The following UNC5B variants were observed in gnomAD, a reference collection of about 807,000 sequenced individuals.
UNC5B encodes unc-5 netrin receptor B.
UNC5B carries 56 observed loss-of-function variants against 103.7 expected under a neutral mutation model. The observed-to-expected ratio is 0.54, with a 90% CI of 0.44 to 0.67. UNC5B has a LOEUF of 0.67. Ranked by LOEUF, UNC5B falls within the 30% of genes least tolerant of loss-of-function variation. The pLI is 0.00. For missense variants in UNC5B, 1,194 were observed against 1,284.5 expected (o/e 0.93, Z 1.08); for synonymous variants, 577 against 542.0 (o/e 1.06, Z -0.90).
intron 4 of UNC5B, 43 bp downstream of exon 4, chr10:71,285,472 A>G (rs984595912): frequency 2.7e-6 from 4 of 1,495,214 alleles, no homozygotes; most frequent in African/African-American, 2.8e-5. Flanking sequence ...CCCTGTGGCC[A>G]TGCCTGCAGA....
intron 1 of UNC5B, among the ~76,000 whole-genome samples, chr10:71,233,115 A>G (rs916108273): frequency 1.3e-5 from 2 of 152,232 alleles, no homozygotes; most frequent in Non-Finnish European, 2.9e-5. Context: ...ACAGGGATCA[A>G]GGACCAGTGT....
intron 1 of UNC5B, among the ~76,000 whole-genome samples, chr10:71,271,220 G>A (rs866405006): frequency 1.3e-5 from 2 of 152,212 alleles, no homozygotes; most frequent in South Asian, 2.1e-4. Flanking sequence ...CTGTGACCTC[G>A]AACACGCCCT....
In UNC5B at chr10:71,288,976, A is replaced by T. The variant is rs1564511199; in HGVS notation, c.1085A>T (p.Asp362Val). The change falls in exon 8 of 17, where the codon GAC becomes GTC. Residue 362 changes from aspartate (D) to valine (V), a missense_variant. By Grantham distance (152) the Asp-to-Val change is radical. Coordinates refer to ENST00000335350, the MANE Select transcript of UNC5B (RefSeq NM_170744.5). ...TTGACAGATAAGAAAACTCTAAGCG[A>T]CCCCAACAGCCACCGTAAGTCCCAT... is the stretch of plus-strand genomic sequence containing the variant. ...LCMQNKKTLS[D>V]PNSHLLEASG... 1.2e-6 allele frequency: 2 copies of T among 1,613,724 alleles called. No homozygotes were observed. The highest frequency in any genetic ancestry group is 8.5e-7 in the Non-Finnish European group (1 of 1,179,936).
At chr10:71,284,156 C>T (rs752536026) in intron 2 of UNC5B, among the ~76,000 whole-genome samples, 8 of 152,082 alleles carry the variant, frequency 5.3e-5, no homozygotes, top group Non-Finnish European at 1.2e-4. Flanking sequence ...GGAGAGCTGT[C>T]GGGGAGGCGC....
intron 1 of UNC5B, among the ~76,000 whole-genome samples, chr10:71,223,211 C>T (rs1228484397): frequency 1.3e-5 from 2 of 152,094 alleles, no homozygotes; most frequent in Non-Finnish European, 2.9e-5. Flanking sequence ...GGAGGCTGGG[C>T]CTGATTTGGC....
At position 71,271,359 on chromosome 10, in the gene UNC5B, T is replaced by C. The variant is rs115334675; in HGVS notation, c.80-8462T>C. 8.5e-3 allele frequency among the ~76,000 whole-genome samples: 1,288 copies of C among 152,310 alleles called. 24 individuals are homozygous for C. Among genetic ancestry groups the C allele is most frequent in the Middle Eastern group, 0.02 (6 of 294 alleles). On this transcript the variant is annotated intron_variant, in intron 1 of 16. Coordinates refer to ENST00000335350, the MANE Select transcript of UNC5B (RefSeq NM_170744.5). ...CAGTGCCAGGTGGTGGGAATATGCTTATTATCTGCAGGAGCATGGATGAAA... is the reference window on the plus strand; with the variant it reads ...CAGTGCCAGGTGGTGGGAATATGCTCATTATCTGCAGGAGCATGGATGAAA...
At chr10:71,283,051 C>T (rs1364481194) in intron 2 of UNC5B, among the ~76,000 whole-genome samples, 5 of 151,908 alleles carry the variant, frequency 3.3e-5, no homozygotes, top group South Asian at 2.1e-4. Flanking sequence ...ACCCAGGAGG[C>T]GGAGGTTGCA....
At chr10:71,262,059 T>G (rs10762431) in intron 1 of UNC5B, among the ~76,000 whole-genome samples, 107,168 of 151,666 alleles carry the variant, frequency 0.71, 38,863 homozygotes, top group Middle Eastern at 0.82. Flanking sequence ...CCCAGACTGT[T>G]CGCTCTCAAC....
chr10:71,236,194 C>T (rs1004075474), intron 1 of UNC5B, among the ~76,000 whole-genome samples: 4 of 152,156 alleles, frequency 2.6e-5, no homozygotes, highest in African/African-American at 7.2e-5. Flanking sequence ...ACAGTAGGTG[C>T]CCCATAAGTA....
chr10:71,247,603 T>C (rs1844067089), intron 1 of UNC5B, among the ~76,000 whole-genome samples: 1 of 152,090 alleles, frequency 6.6e-6, no homozygotes, highest in South Asian at 2.1e-4. Flanking sequence ...TGGCCCCAGC[T>C]GAGTTGGACT....
chr10:71,265,972 C>T (rs561882868), intron 1 of UNC5B, among the ~76,000 whole-genome samples: 3 of 152,148 alleles, frequency 2.0e-5, no homozygotes, highest in Non-Finnish European at 4.4e-5. Context: ...GAGAAACAAA[C>T]CGAGGTCCCA....
intron 1 of UNC5B, among the ~76,000 whole-genome samples, chr10:71,255,510 G>A (rs1015833460): frequency 2.0e-5 from 3 of 152,108 alleles, no homozygotes; most frequent in Non-Finnish European, 4.4e-5. Flanking sequence ...AAGGAGCTTG[G>A]GGCTCTCACT....
chr10:71,229,163 A>T (rs1843631805), intron 1 of UNC5B, among the ~76,000 whole-genome samples: 1 of 152,216 alleles, frequency 6.6e-6, no homozygotes, highest in African/African-American at 2.4e-5. Context: ...GATGGACGGA[A>T]CTGGCACTTT....
At chr10:71,243,264 G>T (rs1843949359) in intron 1 of UNC5B, among the ~76,000 whole-genome samples, 1 of 151,948 alleles carries the variant, frequency 6.6e-6, no homozygotes, top group Non-Finnish European at 1.5e-5. Flanking sequence ...AAGAGTCTGG[G>T]GGCTGCTTTA....
In UNC5B at chr10:71,265,680, C is replaced by T. The variant is rs985703061; in HGVS notation, c.80-14141C>T. On this transcript the variant is annotated intron_variant, in intron 1 of 16. Transcript: ENST00000335350. ...TGGTGATTGGAGGCCTCAGGGGAGCCGTGCGCTCCTCTTCCTCCCTAAGGA... is the reference window on the plus strand; with the variant it reads ...TGGTGATTGGAGGCCTCAGGGGAGCTGTGCGCTCCTCTTCCTCCCTAAGGA... Among the ~76,000 whole-genome samples the T allele has an allele frequency of 2.6e-5, 4 of 152,190 alleles. No individual in the cohort carries two copies. In the South Asian group the frequency reaches 8.3e-4, roughly 32 times the overall value.
chr10:71,259,376 A>T (rs7915323), intron 1 of UNC5B, among the ~76,000 whole-genome samples: 19,890 of 145,880 alleles, frequency 0.14, 1,727 homozygotes, highest in African/African-American at 0.25. Context: ...ATATAGCGAG[A>T]CTCCATCTCA....
In UNC5B at chr10:71,213,019, C is replaced by G; in HGVS notation, c.34C>G (p.Leu12Val). The G allele has an allele frequency of 7.0e-7, 1 of 1,418,986 alleles. No homozygotes were observed. Among genetic ancestry groups the G allele is most frequent in the Non-Finnish European group, 9.3e-7 (1 of 1,080,612 alleles). 87.9% of individuals were successfully genotyped at this position (1,418,986 alleles called of 1,614,324 possible). A position where few individuals can be genotyped will look rare whatever the true frequency, so the allele number is the denominator to read the frequency against. Residue 12 changes from leucine to valine, a missense_variant, in exon 1 of 17, where the codon CTG becomes GTG. Physicochemically the swap from Leu to Val is conservative, Grantham distance 32. Transcript: ENST00000335350. The surrounding 1 kb of genome is among the most constrained non-coding windows in gnomAD (Gnocchi z 4.1). The part of the protein sequence containing the change: ...GARSGARGAL[L>V]LALLLCWDPR... ...CCGGAGCGGAGCTCGGGGCGCGCTGCTGCTGGCACTGCTGCTCTGCTGGGA... is the reference window on the plus strand; with the variant it reads ...CCGGAGCGGAGCTCGGGGCGCGCTGGTGCTGGCACTGCTGCTCTGCTGGGA...
intron 1 of UNC5B, among the ~76,000 whole-genome samples, chr10:71,255,305 C>T (rs564480897): frequency 1.5e-4 from 23 of 152,308 alleles, no homozygotes; most frequent in African/African-American, 3.8e-4. Flanking sequence ...TAAAAAGACA[C>T]GCCCTCATTC....
chr10:71,246,479 G>A (rs1844040822), intron 1 of UNC5B, among the ~76,000 whole-genome samples: 1 of 152,060 alleles, frequency 6.6e-6, no homozygotes, highest in South Asian at 2.1e-4. Flanking sequence ...CTCCCTCTCT[G>A]CACAGGGACC....
Sources: gnomAD v4.1 joint callset for allele counts (sites outside exome capture counted in the v4.1 genomes callset) on GRCh38, gnomAD v4.1.1 for gene constraint, Gnocchi (gnomAD v3.1) non-coding constraint, MANE v1.5 for transcripts, NCBI Gene and HGNC (gene_info 2026-07-23, HGNC 2026-07-21) for gene names.